The following ITPR2 variants were observed in gnomAD, a reference collection of about 807,000 sequenced individuals.
The protein encoded by ITPR2 is inositol 1,4,5-trisphosphate receptor type 2.
Under a neutral mutation model 317.1 loss-of-function variants are expected in ITPR2, and 207 were observed. The observed-to-expected ratio is 0.65, with a 90% CI of 0.58 to 0.73. The LOEUF (loss-of-function observed/expected upper bound fraction) is 0.73. Among genes scored for constraint, ITPR2 ranks in the 30% least tolerant of loss-of-function variants. ITPR2 has a pLI of 0.00. For missense variants in ITPR2, 2,613 were observed against 3,284.0 expected (o/e 0.80, Z 4.99); for synonymous variants, 1,156 against 1,149.1 (o/e 1.01, Z -0.12).
At chr12:26,467,312 C>T (rs1942192149) in intron 45 of ITPR2, among the ~76,000 whole-genome samples, 1 of 152,024 alleles carries the variant, frequency 6.6e-6, no homozygotes, top group African/African-American at 2.4e-5. Context: ...ATAAAAAATC[C>T]CTGTCCTTAA....
chr12:26,366,116 T>C (rs1487808672), intron 55 of ITPR2, among the ~76,000 whole-genome samples: 3 of 152,274 alleles, frequency 2.0e-5, no homozygotes, highest in East Asian at 3.9e-4. Context: ...TGAAACAGTG[T>C]AGCCTGCTTT....
intron 31 of ITPR2, 102 bp downstream of exon 31, chr12:26,596,781 G>T: frequency 3.4e-6 from 3 of 872,862 alleles, no homozygotes; most frequent in East Asian, 3.0e-5. Flanking sequence ...CTAAATATAT[G>T]ATCTCATTAT....
At chr12:26,619,974 T>A (rs764071215) in intron 26 of ITPR2, among the ~76,000 whole-genome samples, 6 of 152,180 alleles carry the variant, frequency 3.9e-5, no homozygotes, top group Non-Finnish European at 8.8e-5. Context: ...AGTGGCAAAT[T>A]CTGGGGTGTC....
chr12:26,662,466 C>A (rs1245298746), intron 15 of ITPR2, among the ~76,000 whole-genome samples: 1 of 152,176 alleles, frequency 6.6e-6, no homozygotes, highest in African/African-American at 2.4e-5. Flanking sequence ...CATCCTAGGC[C>A]CTAGTGGCTT....
intron 55 of ITPR2, among the ~76,000 whole-genome samples, chr12:26,370,002 AG>A (rs1224000603): frequency 3.8e-4 from 58 of 152,264 alleles, no homozygotes; most frequent in African/African-American, 1.4e-3. Flanking sequence ...GATTCCACAA[AG>A]ACAGGGCACA....
chr12:26,509,270 A>G (rs552639736), intron 37 of ITPR2, among the ~76,000 whole-genome samples: 245 of 152,348 alleles, frequency 1.6e-3, no homozygotes, highest in African/African-American at 5.6e-3. Flanking sequence ...GCTAAGAGGC[A>G]TGGGGTTTCT....
chr12:26,573,551 G>C (rs373763638), intron 34 of ITPR2, among the ~76,000 whole-genome samples: 18 of 152,150 alleles, frequency 1.2e-4, no homozygotes, highest in African/African-American at 4.1e-4. Context: ...AATGGTCTAA[G>C]ATGATAAGGA....
intron 26 of ITPR2, among the ~76,000 whole-genome samples, chr12:26,615,406 A>G (rs1946353931): frequency 6.6e-6 from 1 of 152,200 alleles, no homozygotes; most frequent in Non-Finnish European, 1.5e-5. Flanking sequence ...GGTAGAGAAA[A>G]CTGCAAAGAA....
chr12:26,559,807 G>C (rs1308705260), intron 35 of ITPR2, among the ~76,000 whole-genome samples: 2 of 151,924 alleles, frequency 1.3e-5, no homozygotes, highest in Non-Finnish European at 2.9e-5. Flanking sequence ...AAAACTATCT[G>C]AACCTAAATC....
At chr12:26,452,497 G>T (rs1354223993) in intron 45 of ITPR2, among the ~76,000 whole-genome samples, 1 of 151,962 alleles carries the variant, frequency 6.6e-6, no homozygotes, top group Non-Finnish European at 1.5e-5. Flanking sequence ...ATACTGCTTT[G>T]CATGGAGTGT....
chr12:26,349,969 T>C (rs1240174160), intron 55 of ITPR2, among the ~76,000 whole-genome samples: 2 of 152,174 alleles, frequency 1.3e-5, no homozygotes, highest in Admixed American at 1.3e-4. Flanking sequence ...TGGAAGGTAC[T>C]GAGAGATGGG....
chr12:26,376,460 A>G (rs1244635862), intron 55 of ITPR2, among the ~76,000 whole-genome samples: 1 of 152,004 alleles, frequency 6.6e-6, no homozygotes, highest in Non-Finnish European at 1.5e-5. Flanking sequence ...TTTCATAGCC[A>G]TCATTTCTTT....
chr12:26,687,305 A>G (rs777283537), intron 10 of ITPR2, among the ~76,000 whole-genome samples: 1 of 152,200 alleles, frequency 6.6e-6, no homozygotes, highest in African/African-American at 2.4e-5. Context: ...CCAGTACCCC[A>G]TGGAAGAACT....
At chr12:26,806,395 C>T (rs1338709327) in intron 1 of ITPR2, among the ~76,000 whole-genome samples, 1 of 151,282 alleles carries the variant, frequency 6.6e-6, no homozygotes, top group Admixed American at 6.6e-5. Flanking sequence ...TAGAAAAAGC[C>T]TTGAAAAAAA....
In ITPR2 at chr12:26,811,299, A is replaced by G. The variant is rs569624307; in HGVS notation, c.93-21072T>C. On this transcript the variant is annotated intron_variant, in intron 1 of 56. Coordinates refer to ENST00000381340, the MANE Select transcript of ITPR2 (RefSeq NM_002223.4). ...CTATTTGCATCACTGCTGAAGAGGA[A>G]ACGTTGTTCTGCTTTTCAAAGTATA... Among the ~76,000 whole-genome samples the G allele has an allele frequency of 2.6e-5, 4 of 152,206 alleles. No homozygotes were observed. The East Asian group carries it at 7.7e-4, about 29-fold the overall frequency.
chr12:26,641,008 A>C (rs2136861581), intron 21 of ITPR2, among the ~76,000 whole-genome samples: 1 of 152,328 alleles, frequency 6.6e-6, no homozygotes, highest in African/African-American at 2.4e-5. Context: ...TCTGGAGATG[A>C]TGAGAGCTAA....
At chr12:26,697,979 C>T (rs1399492368) in intron 9 of ITPR2, among the ~76,000 whole-genome samples, 1 of 152,058 alleles carries the variant, frequency 6.6e-6, no homozygotes, top group Non-Finnish European at 1.5e-5. Flanking sequence ...AGCAGCTTAG[C>T]AGCTATCCCT....
At chr12:26,468,093 T>C (rs78640541) in intron 45 of ITPR2, among the ~76,000 whole-genome samples, 21 of 152,274 alleles carry the variant, frequency 1.4e-4, no homozygotes, top group Non-Finnish European at 3.1e-4. Context: ...GTGGTTCTAG[T>C]TGGACATAAC....
intron 55 of ITPR2, among the ~76,000 whole-genome samples, chr12:26,381,744 G>A (rs571678819): frequency 9.9e-5 from 15 of 152,238 alleles, no homozygotes; most frequent in Non-Finnish European, 1.6e-4. Context: ...AACGGTTCCC[G>A]AAAACCCATG....
Sources: allele counts gnomAD v4.1 joint callset (sites outside exome capture counted in the v4.1 genomes callset), GRCh38; gene constraint gnomAD v4.1.1; transcripts MANE v1.5; gene names NCBI Gene and HGNC (gene_info 2026-07-23, HGNC 2026-07-21).